Variants in KDM3B observed in about 807,000 individuals in gnomAD.
KDM3B encodes lysine demethylase 3B.
A neutral mutation model predicts 170.0 loss-of-function variants in KDM3B; 10 were observed. The ratio of observed to expected loss-of-function variants is 0.06; its 90% confidence interval spans 0.04 to 0.10. The LOEUF (loss-of-function observed/expected upper bound fraction) is 0.10, where lower values mean the gene tolerates loss of function less well. Among genes scored for constraint, KDM3B ranks in the 10% least tolerant of loss-of-function variants. The pLI is 1.00. For missense variants in KDM3B, 1,394 were observed against 2,195.2 expected, an observed-to-expected ratio of 0.64 and a Z score of 7.29; for synonymous variants, 831 against 834.8, an observed-to-expected ratio of 1.00 and a Z score of 0.08.
intron 11 of KDM3B, among the ~76,000 whole-genome samples, chr5:138,411,909 C>T (rs185710978): frequency 1.3e-5 from 2 of 150,946 alleles, no homozygotes; most frequent in East Asian, 4.0e-4. Context: ...ACCATTTCAC[C>T]ATGTTGGCCA....
intron 1 of KDM3B, among the ~76,000 whole-genome samples, chr5:138,369,819 G>T (rs1472685112): frequency 6.6e-6 from 1 of 152,146 alleles, no homozygotes; most frequent in Non-Finnish European, 1.5e-5. Context: ...ATCAACCAAA[G>T]TGCTTAGAAT....
chr5:138,375,176 G>A lies in KDM3B; in HGVS notation c.444G>A (p.Leu148=), dbSNP rs182853204. 11 of 1,613,414 alleles carry A rather than the reference G, an allele frequency of 6.8e-6. No individual in the cohort carries two copies. Among genetic ancestry groups the A allele is most frequent in the Non-Finnish European group, 6.8e-6 (8 of 1,179,560 alleles). ...TTCTGGATCGAGAGCTTCGGTTCCTGTCAGATGCCAATGGGTTGCATCTGT... is the reference window on the plus strand; with the variant it reads ...TTCTGGATCGAGAGCTTCGGTTCCTATCAGATGCCAATGGGTTGCATCTGT... ...EYLLDRELRF[L]SDANGLHLFQ... The change falls in exon 3 of 24, where the codon CTG becomes CTA. Residue 148 remains leucine, a synonymous_variant. Transcript: ENST00000314358.
At chr5:138,421,805 CAG>C (rs1314513682) in intron 15 of KDM3B, among the ~76,000 whole-genome samples, 1 of 152,204 alleles carries the variant, frequency 6.6e-6, no homozygotes, top group Non-Finnish European at 1.5e-5. Context: ...GTAAGATGAG[CAG>C]AGTCCTTGTA....
chr5:138,393,041 T>C, intron 8 of KDM3B, 130 bp from the exon 9 acceptor site: 1 of 735,890 alleles, frequency 1.4e-6, no homozygotes, highest in South Asian at 1.7e-5. Context: ...ATGGACATAA[T>C]GGGTACATGC....
chr5:138,391,101 G>A lies in KDM3B; in HGVS notation c.1469G>A (p.Ser490Asn), dbSNP rs780250760. Residue 490 changes from serine (S) to asparagine (N), a missense_variant, in exon 8 of 24, where the codon AGC becomes AAC. Transcript: ENST00000314358. This position sits in a 1 kb window ranked among gnomAD's most constrained non-coding sequence, Gnocchi z 5.0. ...CCTTTGACTTTTGGAAGTGGAAGGA[G>A]CCAGTCCAATGGTGTTCTAGCCACA... ...SQPLTFGSGR[S>N]QSNGVLATEN... 5.0e-6 allele frequency: 8 copies of A among 1,613,740 alleles called. No homozygotes were observed. The Admixed American group carries it at 1.0e-4, about 20-fold the overall frequency.
rs61749634 is a variant in KDM3B at position 138,430,377 on chromosome 5, G to A, written c.5022G>A (p.Val1674=). 58,275 of 1,614,030 alleles carry A rather than the reference G, an allele frequency of 0.036. 1,525 individuals carry two copies. Among genetic ancestry groups the A allele is most frequent in the South Asian group, 0.1 (9,374 of 91,078 alleles). ...EEYGVQGWAI[V]QFLGDAVFIP... is the part of the protein sequence containing the mutation. ...ATGGCGTGCAAGGCTGGGCTATTGT[G>A]CAGTTCCTAGGTGATGCTGTTTTCA... Residue 1674 remains valine, a synonymous_variant, in exon 22 of 24, where the codon GTG becomes GTA. Coordinates refer to ENST00000314358, the MANE Select transcript of KDM3B (RefSeq NM_016604.4).
At chr5:138,430,049 G>C (rs1763491874) in intron 21 of KDM3B, 84 bp downstream of exon 21, 1 of 1,545,576 alleles carries the variant, frequency 6.5e-7, no homozygotes, top group Non-Finnish European at 8.8e-7. Flanking sequence ...TTCTCATGTA[G>C]AGTCCCTTGG....
chr5:138,394,694 A>G (rs1010354568), intron 9 of KDM3B, among the ~76,000 whole-genome samples: 2 of 152,234 alleles, frequency 1.3e-5, no homozygotes, highest in African/African-American at 2.4e-5. Flanking sequence ...TTAAAGGGCT[A>G]TTCCAAAGGC....
intron 1 of KDM3B, among the ~76,000 whole-genome samples, chr5:138,361,864 C>A (rs903817398): frequency 5.3e-5 from 8 of 152,096 alleles, no homozygotes; most frequent in African/African-American, 1.9e-4. Context: ...TGTAGTTTTT[C>A]TTGTTATAGA....
chr5:138,359,319 G>A (rs1211440915), intron 1 of KDM3B, among the ~76,000 whole-genome samples: 1 of 151,752 alleles, frequency 6.6e-6, no homozygotes, highest in Non-Finnish European at 1.5e-5. Flanking sequence ...GTGCCACCAT[G>A]CCCGGCTAAT....
intron 3 of KDM3B, 83 bp downstream of exon 3, chr5:138,375,289 CT>C: frequency 1.3e-6 from 1 of 754,144 alleles, no homozygotes. Flanking sequence ...GGTGTTTCTC[CT>C]TTTACTGGGT....
chr5:138,401,558 T>C (rs1762695261), intron 11 of KDM3B, among the ~76,000 whole-genome samples: 1 of 152,368 alleles, frequency 6.6e-6, no homozygotes, highest in African/African-American at 2.4e-5. Context: ...TTGGCTATTA[T>C]GAATAGTGCT....
intron 19 of KDM3B, 58 bp from the exon 20 acceptor site, chr5:138,427,909 G>A: frequency 2.6e-6 from 4 of 1,544,580 alleles, no homozygotes; most frequent in South Asian, 1.2e-5. Context: ...ATGTAGTGTC[G>A]ACGTGGATTC....
rs1026815768 is a variant in KDM3B at position 138,436,552 on chromosome 5, A to C, written c.*852A>C. 3.9e-4 allele frequency: 59 copies of C among 152,220 alleles called. No individual in the cohort carries two copies. Among genetic ancestry groups the C allele is most frequent in the African/African-American group, 1.3e-3 (54 of 41,520 alleles). The allele number at this position is 152,220 out of a possible 1,614,324, so 9.4% of individuals were successfully genotyped here. On this transcript the variant is annotated 3_prime_UTR_variant, in exon 24 of 24. Coordinates refer to ENST00000314358, the MANE Select transcript of KDM3B (RefSeq NM_016604.4). ...TTTCTCCCCCTCCCATCTTAGTCTT[A>C]CCTTGAGGGAACAGTCATATGAGAA...
chr5:138,383,784 A>C (rs1007035346), intron 6 of KDM3B, among the ~76,000 whole-genome samples: 8 of 152,132 alleles, frequency 5.3e-5, no homozygotes, highest in African/African-American at 1.9e-4. Context: ...CCCTGTCTCT[A>C]CTAAAAAACA....
At chr5:138,411,326 T>G (rs1317620944) in intron 11 of KDM3B, among the ~76,000 whole-genome samples, 1 of 152,240 alleles carries the variant, frequency 6.6e-6, no homozygotes, top group Non-Finnish European at 1.5e-5. Flanking sequence ...GTTATGATTA[T>G]AGAGCGAGGA....
At chr5:138,393,701 C>T (rs979293747) in intron 9 of KDM3B, among the ~76,000 whole-genome samples, 1 of 152,178 alleles carries the variant, frequency 6.6e-6, no homozygotes, top group Non-Finnish European at 1.5e-5. Context: ...TATGGATCTA[C>T]CTGACTGCTT....
At chr5:138,412,378 C>T (rs1762993294) in intron 11 of KDM3B, among the ~76,000 whole-genome samples, 1 of 151,238 alleles carries the variant, frequency 6.6e-6, no homozygotes. Flanking sequence ...ATAGCCCAGG[C>T]ACAGTGGCTT....
Position 138,414,549 on chromosome 5 carries a change from A to T in KDM3B, c.3200-583A>T, listed in dbSNP as rs116516560. Among the ~76,000 whole-genome samples the T allele has an allele frequency of 5.6e-3, 850 of 152,300 alleles. 7 individuals are homozygous for T. The highest frequency in any genetic ancestry group is 0.02 in the African/African-American group (823 of 41,568). On this transcript the variant is annotated intron_variant, in intron 11 of 23. Transcript: ENST00000314358. ...AATTGACTACAAAGAGCCTGAGAGA[A>T]CTTTTGGAGATGTAATAGAAAGGTT...
Sources: allele counts gnomAD v4.1 joint callset (sites outside exome capture counted in the v4.1 genomes callset), GRCh38; gene constraint gnomAD v4.1.1; non-coding constraint Gnocchi (gnomAD v3.1); transcripts MANE v1.5; gene names NCBI Gene and HGNC (gene_info 2026-07-23, HGNC 2026-07-21).